GNAS: variants seen among roughly 807,000 people sequenced by gnomAD.
GNAS encodes GNAS complex locus.
In GNAS, 8 loss-of-function variants were observed where a neutral mutation model predicts 54.5. The ratio of observed to expected loss-of-function variants is 0.15; its 90% CI spans 0.09 to 0.26. The LOEUF is 0.26. GNAS is among the 10% of genes least tolerant of loss of function. The pLI is 1.00. For synonymous variants in GNAS, 204 were observed against 191.4 expected, an observed-to-expected ratio of 1.07 and a Z score of -0.54; for missense variants, 170 against 529.8, an observed-to-expected ratio of 0.32 and a Z score of 6.67.
intron 1 of GNAS, 152 bp downstream of exon 1, chr20:58,892,017 A>C: frequency 1.3e-6 from 1 of 784,158 alleles, no homozygotes; most frequent in Non-Finnish European, 1.5e-6. Context: ...CGAGGCCGGA[A>C]GGGGGACCCA....
At chr20:58,887,757 C>A (rs892073069), upstream of GNAS, among the ~76,000 whole-genome samples, 2 of 152,180 alleles carry the variant, frequency 1.3e-5, no homozygotes, top group Non-Finnish European at 2.9e-5. Flanking sequence ...GTCTAGGCTG[C>A]GCTTCCTGTT....
intron 1 of GNAS, among the ~76,000 whole-genome samples, chr20:58,848,455 C>T (rs2086024951): frequency 6.6e-6 from 1 of 152,208 alleles, no homozygotes; most frequent in Non-Finnish European, 1.5e-5. Context: ...AGTCCTATCA[C>T]ATATTTATCT....
chr20:58,867,576 G>C (rs982712585), intron 1 of GNAS: 7 of 152,314 alleles, frequency 4.6e-5, no homozygotes, highest in Non-Finnish European at 8.8e-5. Flanking sequence ...GAGGGTCCTA[G>C]AATAGTACAA....
Position 58,910,654 on chromosome 20 carries a change from C to G in GNAS, c.1039-29C>G. On this transcript the variant is annotated intron_variant, in intron 12 of 12. Coordinates refer to ENST00000371085, the MANE Select transcript of GNAS (RefSeq NM_000516.7). This position sits in a 1 kb window ranked among gnomAD's most constrained non-coding sequence, Gnocchi z 5.8. The stretch of plus-strand genomic sequence containing the variant: ...AGGGTGGTTCCTGGCGAGGGTGTCA[C>G]TGACAAGTCCCCTTGTTTGTGCCCG... 1 of 1,613,936 alleles carries G rather than the reference C, an allele frequency of 6.2e-7. No individual in the cohort carries two copies. Among genetic ancestry groups the G allele is most frequent in the Non-Finnish European group, 8.5e-7 (1 of 1,179,836 alleles).
rs992926249 is a variant in GNAS, at chr20:58,857,889, G to A, written c.43+17003G>A. Among the ~76,000 whole-genome samples, 6 of 152,122 alleles carry A rather than the reference G, an allele frequency of 3.9e-5. No individual in the cohort carries two copies. Among genetic ancestry groups the A allele is most frequent in the South Asian group, 2.1e-4 (1 of 4,822 alleles). On this transcript the variant is annotated intron_variant, in intron 1 of 12. Transcript: ENST00000306090. This position sits in a 1 kb window ranked among gnomAD's most constrained non-coding sequence, Gnocchi z 4.1. ...TGTACCTTGTCCTGGCTTTGTTCTC[G>A]GGTGCTGGTAGCCAAACACCTTTGG...
rs2086269129 is a variant in GNAS, at chr20:58,853,482, G to A, written c.43+12596G>A. ...TGGCGAGGCCTGTGGACCCCCAGAG[G>A]TCTCCAGACCCAACTTTCAGGTCCT... On this transcript the variant is annotated intron_variant, in intron 1 of 12. Coordinates refer to the GNAS transcript ENST00000306090. This position sits in a 1 kb window ranked among gnomAD's most constrained non-coding sequence, Gnocchi z 4.4. 3.1e-6 allele frequency: 5 copies of A among 1,613,002 alleles called. No homozygotes were observed. The highest frequency in any genetic ancestry group is 3.4e-6 in the Non-Finnish European group (4 of 1,179,756).
At chr20:58,885,792 A>G (rs1200165910) in intron 1 of GNAS, among the ~76,000 whole-genome samples, 3 of 152,250 alleles carry the variant, frequency 2.0e-5, no homozygotes, top group Non-Finnish European at 4.4e-5. Context: ...TAGCAGTTTC[A>G]GTCATTCTAG....
At chr20:58,879,318 C>T (rs566749373) in intron 1 of GNAS, among the ~76,000 whole-genome samples, 1 of 152,228 alleles carries the variant, frequency 6.6e-6, no homozygotes, top group African/African-American at 2.4e-5. Flanking sequence ...TCACTTGTAG[C>T]TTTGCTCTGG....
upstream of GNAS, chr20:58,889,285 G>A: frequency 1.0e-6 from 1 of 996,554 alleles, no homozygotes. Context: ...GCGAGCCCCT[G>A]TCCCGGCGCG....
At chr20:58,865,201 T>G (rs1198945134) in intron 1 of GNAS, among the ~76,000 whole-genome samples, 1 of 151,998 alleles carries the variant, frequency 6.6e-6, no homozygotes, top group Non-Finnish European at 1.5e-5. Context: ...GCAGATCACC[T>G]GAGGTCAAGA....
chr20:58,860,104 C>G (rs1001558336), intron 1 of GNAS, among the ~76,000 whole-genome samples: 2 of 152,210 alleles, frequency 1.3e-5, no homozygotes, highest in Non-Finnish European at 2.9e-5. Flanking sequence ...GTCGAGTAGT[C>G]TGCTACTTTC....
Position 58,853,737 on chromosome 20 carries a change from C to A in GNAS, c.43+12851C>A, listed in dbSNP as rs752447089. On this transcript the variant is annotated intron_variant, in intron 1 of 12. Transcript: ENST00000306090. This position sits in a 1 kb window ranked among gnomAD's most constrained non-coding sequence, Gnocchi z 4.4. ...AGGCCTGGGAGGATACAGCCCTCCA[C>A]CAGAAGAAGCTATGCCCTTTGAGTT... 26 of 1,613,868 alleles carry A rather than the reference C, an allele frequency of 1.6e-5. 1 individual carries two copies. In the East Asian group the frequency reaches 5.8e-4, roughly 36 times the overall value.
intron 5 of GNAS, among the ~76,000 whole-genome samples, chr20:58,905,058 T>C (rs2090948091): frequency 6.6e-6 from 1 of 152,182 alleles, no homozygotes; most frequent in Non-Finnish European, 1.5e-5. Context: ...TCTAACACAT[T>C]TAGTGTATAT....
chr20:58,899,079 T>A (rs1443225605), intron 3 of GNAS, 94 bp downstream of exon 3: 1 of 974,534 alleles, frequency 1.0e-6, no homozygotes, highest in African/African-American at 1.6e-5. Context: ...GGGAAGAAAA[T>A]AAAAATCATT....
intron 1 of GNAS, among the ~76,000 whole-genome samples, chr20:58,875,912 G>A (rs1600840887): frequency 6.6e-6 from 1 of 152,228 alleles, no homozygotes; most frequent in South Asian, 2.1e-4. Flanking sequence ...GGAGCAAGGA[G>A]GCAGGAGTCC....
chr20:58,884,208 A>C (rs1309945468), intron 1 of GNAS, among the ~76,000 whole-genome samples: 1 of 152,224 alleles, frequency 6.6e-6, no homozygotes, highest in East Asian at 1.9e-4. Context: ...AAATCTGAAG[A>C]TGTAAAACTT....
chr20:58,889,823 G>A (rs1317283519), upstream of GNAS, among the ~76,000 whole-genome samples: 2 of 151,346 alleles, frequency 1.3e-5, no homozygotes, highest in South Asian at 2.1e-4. Flanking sequence ...CGAGGCCGGG[G>A]GCAAGCAGGG....
upstream of GNAS, chr20:58,839,958 T>G: frequency 1.3e-6 from 1 of 766,748 alleles, no homozygotes; most frequent in South Asian, 1.7e-5. Flanking sequence ...CTTCCCTTTT[T>G]CTCCTCACAA....
chr20:58,873,896 A>G lies in GNAS; in HGVS notation c.44-21716A>G, dbSNP rs2087624926. Reference sequence around the variant, plus strand: ...GGAAAGATGGAAAGATTGTCAACCAAAAGACTTCAACAACCTGCTAAGAGT... The same window carrying G: ...GGAAAGATGGAAAGATTGTCAACCAGAAGACTTCAACAACCTGCTAAGAGT... On this transcript the variant is annotated intron_variant, in intron 1 of 12. Coordinates refer to the GNAS transcript ENST00000306090. This position sits in a 1 kb window ranked among gnomAD's most constrained non-coding sequence, Gnocchi z 4.3. 6.6e-6 allele frequency among the ~76,000 whole-genome samples: 1 copy of G among 152,216 alleles called. No homozygotes were observed. The highest frequency in any genetic ancestry group is 2.1e-4 in the South Asian group (1 of 4,830).
Sources: allele counts gnomAD v4.1 joint callset (sites outside exome capture counted in the v4.1 genomes callset), GRCh38; gene constraint gnomAD v4.1.1; non-coding constraint Gnocchi (gnomAD v3.1); transcripts MANE v1.5; gene names NCBI Gene and HGNC (gene_info 2026-07-23, HGNC 2026-07-21).